Variants in MLH3 observed in about 807,000 individuals in gnomAD.
The protein encoded by MLH3 is mutL homolog 3, also known as DNA mismatch repair protein Mlh3.
MLH3 carries 82 observed loss-of-function variants against 122.2 expected under a neutral mutation model. The ratio of observed to expected loss-of-function variants is 0.67; its 90% CI spans 0.56 to 0.81. The LOEUF (loss-of-function observed/expected upper bound fraction) is 0.81. Ranked by LOEUF, MLH3 falls within the 30% of genes least tolerant of loss-of-function variation. The probability of loss-of-function intolerance (pLI) is 0.00; values close to 1 mark genes in which losing one functional copy is unlikely to be tolerated. For missense variants in MLH3, 1,539 were observed against 1,714.5 expected, an observed-to-expected ratio of 0.90 and a Z score of 1.81; for synonymous variants, 524 against 599.5, an observed-to-expected ratio of 0.87 and a Z score of 1.84.
At chr14:75,041,275 C>T (rs530551186) in intron 4 of MLH3, among the ~76,000 whole-genome samples, 1 of 152,238 alleles carries the variant, frequency 6.6e-6, no homozygotes, top group Admixed American at 6.5e-5. Flanking sequence ...AAAGGCTGGG[C>T]GTGATGGCTC....
At chr14:75,022,326 A>C (rs1329133456) in intron 11 of MLH3, among the ~76,000 whole-genome samples, 1 of 152,226 alleles carries the variant, frequency 6.6e-6, no homozygotes, top group Non-Finnish European at 1.5e-5. Flanking sequence ...AAAGTTGGAA[A>C]GATAAAAAAA....
intron 11 of MLH3, among the ~76,000 whole-genome samples, chr14:75,020,595 GA>G (rs1475768470): frequency 2.6e-5 from 4 of 152,104 alleles, no homozygotes; most frequent in Non-Finnish European, 5.9e-5. Context: ...ATTTATAAAG[GA>G]AAGACCATTT....
At chr14:75,018,662 G>A (rs1233315013) in intron 12 of MLH3, among the ~76,000 whole-genome samples, 167 bp downstream of exon 12, 1 of 152,184 alleles carries the variant, frequency 6.6e-6, no homozygotes, top group Non-Finnish European at 1.5e-5. Flanking sequence ...TTGGATTTGA[G>A]CTGGAAAATG....
chr14:75,027,016 T>C (rs1890669835), intron 9 of MLH3, among the ~76,000 whole-genome samples: 2 of 151,828 alleles, frequency 1.3e-5, no homozygotes, highest in Non-Finnish European at 1.5e-5. Context: ...GGAGAATCGC[T>C]TGAACCTGGG....
At chr14:75,037,369 T>C (rs1176662120) in intron 6 of MLH3, among the ~76,000 whole-genome samples, 1 of 152,244 alleles carries the variant, frequency 6.6e-6, no homozygotes, top group Non-Finnish European at 1.5e-5. Context: ...GGGCTAGAAC[T>C]AAAATTTTAT....
intron 4 of MLH3, among the ~76,000 whole-genome samples, 175 bp downstream of exon 4, chr14:75,041,440 T>C (rs1891844968): frequency 6.6e-6 from 1 of 151,970 alleles, no homozygotes; most frequent in Admixed American, 6.6e-5. Flanking sequence ...TCCCAGCTGC[T>C]CGAGAGACTG....
chr14:75,038,050 C>T (rs1334073056), intron 6 of MLH3, among the ~76,000 whole-genome samples: 1 of 152,172 alleles, frequency 6.6e-6, no homozygotes, highest in Non-Finnish European at 1.5e-5. Context: ...CAGGTGCACA[C>T]CACCATGCCC....
intron 9 of MLH3, among the ~76,000 whole-genome samples, chr14:75,026,310 G>A (rs890949105): frequency 6.6e-6 from 1 of 151,894 alleles, no homozygotes; most frequent in South Asian, 2.1e-4. Flanking sequence ...GTGAGATTTG[G>A]GGAAAAAAAC....
chr14:75,019,909 TG>T (rs1890164035), intron 11 of MLH3, among the ~76,000 whole-genome samples: 1 of 152,080 alleles, frequency 6.6e-6, no homozygotes, highest in Non-Finnish European at 1.5e-5. Context: ...GAGACAAACA[TG>T]AAGCAGATAA....
chr14:75,030,017 G>A (rs1036687032), intron 9 of MLH3, among the ~76,000 whole-genome samples: 1 of 152,062 alleles, frequency 6.6e-6, no homozygotes, highest in African/African-American at 2.4e-5. Context: ...AGCCAGGCAT[G>A]GTGGTGCGTG....
intron 2 of MLH3, among the ~76,000 whole-genome samples, chr14:75,043,022 C>G (rs547478699): frequency 6.6e-6 from 1 of 152,278 alleles, no homozygotes; most frequent in Non-Finnish European, 1.5e-5. Context: ...GTGATCCACC[C>G]GCCTCGGCCT....
chr14:75,036,481 A>C, intron 6 of MLH3: 1 of 349,546 alleles, frequency 2.9e-6, no homozygotes, highest in Non-Finnish European at 5.7e-6. Flanking sequence ...AGTAGCTGGG[A>C]TTACAGGCAT....
chr14:75,032,051 C>A lies in MLH3; in HGVS notation c.3827+17G>T. 1 of 1,378,938 alleles carries A rather than the reference C, an allele frequency of 7.3e-7. No individual in the cohort carries two copies. Among genetic ancestry groups the A allele is most frequent in the Non-Finnish European group, 1.0e-6 (1 of 965,228 alleles). 85.4% of individuals were successfully genotyped at this position (1,378,938 alleles called of 1,614,324 possible). On this transcript the variant is annotated intron_variant, in intron 8 of 12. Coordinates refer to ENST00000355774, the MANE Select transcript of MLH3 (RefSeq NM_001040108.2). ...GAATTGATACCATCAACATCACATT[C>A]TCATGGTGGTACTGACCATAAGAGT...
chr14:75,042,438 A>G lies in MLH3; in HGVS notation c.3320T>C (p.Val1107Ala). ...YRCQPFRSDL[V>A]LPFLPRARAE... The stretch of plus-strand genomic sequence containing the variant: ...TCGAGCTCTCGGAAGGAAAGGAAGA[A>G]CAAGGTCGCTTCTAAAAGGTTGACA... Residue 1107 changes from valine to alanine, a missense_variant, in exon 3 of 13, where the codon GTT (valine) becomes GCT (alanine). By Grantham distance (64) the Val-to-Ala change is moderately conservative. Transcript: ENST00000355774. 1 of 1,614,246 alleles carries G rather than the reference A, an allele frequency of 6.2e-7. No homozygotes were observed. Among genetic ancestry groups the G allele is most frequent in the Non-Finnish European group, 8.5e-7 (1 of 1,180,030 alleles).
At chr14:75,051,137 G>C (rs934540266) in intron 1 of MLH3, 1 of 152,254 alleles carries the variant, frequency 6.6e-6, no homozygotes, top group African/African-American at 2.4e-5. Flanking sequence ...CCAGGGCACG[G>C]GGGCCTGGGA....
chr14:75,041,729 G>A (rs2139497437), intron 3 of MLH3, 29 bp from the exon 4 acceptor site: 1 of 1,554,206 alleles, frequency 6.4e-7, no homozygotes, highest in Non-Finnish European at 8.9e-7. Context: ...GGTAAAGTTG[G>A]CATCCAGAAC....
At chr14:75,043,386 G>A (rs759303562) in intron 2 of MLH3, among the ~76,000 whole-genome samples, 18 of 152,196 alleles carry the variant, frequency 1.2e-4, no homozygotes, top group Non-Finnish European at 2.5e-4. Context: ...ACTCCTAAAA[G>A]CAAAGTCAGT....
At chr14:75,043,055 C>CAAA (rs1891980930) in intron 2 of MLH3, among the ~76,000 whole-genome samples, 1 of 152,156 alleles carries the variant, frequency 6.6e-6, no homozygotes, top group Admixed American at 6.5e-5. Flanking sequence ...GGATTACAGG[C>CAAA]GTGAGCCACT....
intron 5 of MLH3, among the ~76,000 whole-genome samples, chr14:75,038,631 G>A (rs913034726): frequency 1.3e-5 from 2 of 152,096 alleles, no homozygotes; most frequent in Non-Finnish European, 2.9e-5. Context: ...GGAGGGAGGC[G>A]ACAGGGGAAG....
Sources: gnomAD v4.1 joint callset for allele counts (sites outside exome capture counted in the v4.1 genomes callset) on GRCh38, gnomAD v4.1.1 for gene constraint, MANE v1.5 for transcripts, NCBI Gene and HGNC (gene_info 2026-07-23, HGNC 2026-07-21) for gene names.